CSNK1G2: variants seen among roughly 807,000 people sequenced by gnomAD.
CSNK1G2 encodes the protein casein kinase 1 gamma 2.
In CSNK1G2, 11 loss-of-function variants were observed where a neutral mutation model predicts 48.0. The observed-to-expected ratio is 0.23, with a 90% confidence interval of 0.14 to 0.38. The LOEUF is 0.38. CSNK1G2 is among the 10% of genes least tolerant of loss of function. The pLI is 1.00. For missense variants in CSNK1G2, 446 were observed against 595.5 expected (o/e 0.75, Z 2.61); for synonymous variants, 337 against 254.1 (o/e 1.33, Z -3.10).
chr19:1,971,628 C>A (rs2015573669), intron 2 of CSNK1G2, among the ~76,000 whole-genome samples: 1 of 152,236 alleles, frequency 6.6e-6, no homozygotes, highest in Non-Finnish European at 1.5e-5. Flanking sequence ...CCTGGCACAG[C>A]CCCGTGACCT....
intron 2 of CSNK1G2, among the ~76,000 whole-genome samples, chr19:1,972,299 G>A (rs564131294): frequency 6.6e-6 from 1 of 152,312 alleles, no homozygotes; most frequent in East Asian, 1.9e-4. Context: ...GAACTGAATA[G>A]CACTGGGCTC....
At chr19:1,946,802 G>C (rs1599280007) in intron 1 of CSNK1G2, among the ~76,000 whole-genome samples, 1 of 151,036 alleles carries the variant, frequency 6.6e-6, no homozygotes, top group Non-Finnish European at 1.5e-5. Context: ...TAGTACAGAC[G>C]GGGTTTCACT....
chr19:1,946,797 C>A (rs1000362370), intron 1 of CSNK1G2, among the ~76,000 whole-genome samples: 1 of 145,504 alleles, frequency 6.9e-6, no homozygotes, highest in Non-Finnish European at 1.5e-5. Flanking sequence ...ATTTTTAGTA[C>A]AGACGGGGTT....
intron 2 of CSNK1G2, chr19:1,974,870 C>T (rs2015699562): frequency 6.3e-6 from 1 of 157,880 alleles, no homozygotes. Flanking sequence ...CCGGAACCTC[C>T]TGAGCCTCTC....
chr19:1,943,258 C>G (rs957388589), intron 1 of CSNK1G2, among the ~76,000 whole-genome samples: 1 of 152,100 alleles, frequency 6.6e-6, no homozygotes, highest in African/African-American at 2.4e-5. Flanking sequence ...TTCGGACTTC[C>G]TTGTGTGTCT....
At chr19:1,961,723 C>T (rs546622793) in intron 1 of CSNK1G2, among the ~76,000 whole-genome samples, 1 of 152,368 alleles carries the variant, frequency 6.6e-6, no homozygotes, top group Admixed American at 6.5e-5. Flanking sequence ...ATTCCTCCCC[C>T]AAAACGCCCA....
At chr19:1,966,215 C>G (rs2015361234) in intron 1 of CSNK1G2, among the ~76,000 whole-genome samples, 2 of 152,224 alleles carry the variant, frequency 1.3e-5, no homozygotes, top group South Asian at 4.1e-4. Context: ...CCCGGAAAGG[C>G]TTTGCCGTTC....
In CSNK1G2 at chr19:1,978,978, C is replaced by T. The variant is rs776935966; in HGVS notation, c.567C>T (p.Phe189=). ...AGCATGCCATCCACATCATCGACTT[C>T]GGGCTGGCCAAGGAGTACATCGACC... ...KRQHAIHIID[F]GLAKEYIDPE... Residue 189 remains phenylalanine (F), a synonymous_variant, in exon 6 of 12, where the codon TTC becomes TTT. Transcript: ENST00000255641. This position sits in a 1 kb window ranked among gnomAD's most constrained non-coding sequence, Gnocchi z 7.3. The T allele has an allele frequency of 2.0e-5, 32 of 1,599,868 alleles. No individual in the cohort carries two copies. The highest frequency in any genetic ancestry group is 1.6e-4 in the Middle Eastern group (1 of 6,080).
intron 1 of CSNK1G2, among the ~76,000 whole-genome samples, chr19:1,961,204 C>T (rs2015187740): frequency 6.6e-6 from 1 of 152,226 alleles, no homozygotes; most frequent in Admixed American, 6.5e-5. Flanking sequence ...TTGTGGCATT[C>T]TCGCTGTCAG....
chr19:1,972,418 A>G (rs540300288), intron 2 of CSNK1G2, among the ~76,000 whole-genome samples: 10 of 152,168 alleles, frequency 6.6e-5, no homozygotes, highest in Non-Finnish European at 1.3e-4. Flanking sequence ...ATGTTCTAGA[A>G]TGTGTCGTTT....
At chr19:1,941,617 C>G (rs115837476) in intron 1 of CSNK1G2, among the ~76,000 whole-genome samples, 199 bp downstream of exon 1, 16,909 of 144,448 alleles carry the variant, frequency 0.12, 1,484 homozygotes, top group African/African-American at 0.24. Context: ...CAGGGCCCCA[C>G]CGCCGCAACA....
In CSNK1G2 at chr19:1,978,559, G is replaced by C. The variant is rs765215987; in HGVS notation, c.299-43G>C. 2 of 1,570,930 alleles carry C rather than the reference G, an allele frequency of 1.3e-6. No individual in the cohort carries two copies. The highest frequency in any genetic ancestry group is 1.2e-5 in the South Asian group (1 of 86,688). ...GGCGGGGGCTGCGCAGGGGCAGGGA[G>C]GGGGCTGCCGCCGCACGCCCGTGCG... is the stretch of plus-strand genomic sequence containing the variant. On this transcript the variant is annotated intron_variant, in intron 4 of 11. Coordinates refer to ENST00000255641, the MANE Select transcript of CSNK1G2 (RefSeq NM_001319.7). The surrounding 1 kb of genome is among the most constrained non-coding windows in gnomAD (Gnocchi z 7.3).
intron 1 of CSNK1G2, among the ~76,000 whole-genome samples, chr19:1,956,218 C>T (rs941884515): frequency 6.6e-6 from 1 of 152,036 alleles, no homozygotes; most frequent in Non-Finnish European, 1.5e-5. Context: ...AGCAGTGGGG[C>T]CCTAGACCCA....
intron 2 of CSNK1G2, among the ~76,000 whole-genome samples, chr19:1,977,931 C>T (rs1938555097): frequency 6.6e-6 from 1 of 152,046 alleles, no homozygotes; most frequent in South Asian, 2.1e-4. Context: ...GGGCCGAGGG[C>T]CTCGGGCATG....
At chr19:1,975,196 A>G in intron 2 of CSNK1G2, 1 of 985,484 alleles carries the variant, frequency 1.0e-6, no homozygotes, top group Non-Finnish European at 1.2e-6. Flanking sequence ...TGCCAAGAGC[A>G]TGAGGCCAGC....
In CSNK1G2 at chr19:1,979,038, C is replaced by G. The variant is rs1393258102; in HGVS notation, c.627C>G (p.His209Gln). 1.3e-6 allele frequency: 2 copies of G among 1,598,122 alleles called. No individual in the cohort carries two copies. The highest frequency in any genetic ancestry group is 1.3e-5 in the African/African-American group (1 of 74,720). The change falls in exon 6 of 12, where the codon CAC becomes CAG. Residue 209 changes from histidine (H) to glutamine (Q), a missense_variant. Coordinates refer to ENST00000255641, the MANE Select transcript of CSNK1G2 (RefSeq NM_001319.7). The stretch of plus-strand genomic sequence containing the variant: ...AGAAGCACATCCCGTACCGCGAGCA[C>G]AAGAGCCTGACGGGCACGGCGCGCT... Reference protein sequence around the residue: ...ETKKHIPYREHKSLTGTARYM... With the variant: ...ETKKHIPYREQKSLTGTARYM...
chr19:1,946,155 C>T (rs1283886709), intron 1 of CSNK1G2, among the ~76,000 whole-genome samples: 3 of 152,212 alleles, frequency 2.0e-5, no homozygotes, highest in South Asian at 2.1e-4. Flanking sequence ...AGCTGCCTCA[C>T]GTCTGTGTCT....
chr19:1,963,851 C>CT (rs2015280363), intron 1 of CSNK1G2, among the ~76,000 whole-genome samples: 1 of 140,088 alleles, frequency 7.1e-6, no homozygotes, highest in Non-Finnish European at 1.5e-5. Flanking sequence ...GAATCTCGCT[C>CT]TGTCGCCCAG....
chr19:1,955,726 C>T (rs4807177), intron 1 of CSNK1G2, among the ~76,000 whole-genome samples: 77,647 of 151,952 alleles, frequency 0.51, 23,976 homozygotes, highest in Non-Finnish European at 0.69. Context: ...GCTCAGCGGA[C>T]CCCCGTGCCA....
Sources: allele counts gnomAD v4.1 joint callset (sites outside exome capture counted in the v4.1 genomes callset), GRCh38; gene constraint gnomAD v4.1.1; non-coding constraint Gnocchi (gnomAD v3.1); transcripts MANE v1.5; gene names NCBI Gene and HGNC (gene_info 2026-07-23, HGNC 2026-07-21).